Variants in PHEX observed in about 807,000 individuals in gnomAD.
PHEX encodes the protein phosphate regulating endopeptidase X-linked, also known as phosphate-regulating neutral endopeptidase PHEX.
Under a neutral mutation model 68.0 loss-of-function variants are expected in PHEX, and 16 were observed. The ratio of observed to expected loss-of-function variants is 0.24; its 90% CI spans 0.16 to 0.36. The LOEUF is 0.36. PHEX is among the 10% of genes least tolerant of loss of function. The probability of loss-of-function intolerance (pLI) is 1.00; values close to 1 mark genes in which losing one functional copy is unlikely to be tolerated. For missense variants in PHEX, 480 were observed against 575.5 expected, an observed-to-expected ratio of 0.83 and a Z score of 1.70; for synonymous variants, 208 against 205.1, an observed-to-expected ratio of 1.01 and a Z score of -0.12.
chrX:22,095,575 G>A (rs1242159385), intron 7 of PHEX, among the ~76,000 whole-genome samples: 2 of 112,169 alleles, frequency 1.8e-5, no homozygotes, highest in African/African-American at 6.5e-5. Flanking sequence ...AGGGATTGGT[G>A]GAAGAGGAGT....
chrX:22,140,541 G>A (rs768967258), intron 12 of PHEX, among the ~76,000 whole-genome samples: 2 of 111,254 alleles, frequency 1.8e-5, no homozygotes, highest in South Asian at 7.7e-4. Context: ...GAGTGCAGTG[G>A]TGCAATCTTG....
In PHEX at chrX:22,059,933, G is replaced by C. The variant is rs1040657501; in HGVS notation, c.349+12722G>C. 3.2e-4 allele frequency among the ~76,000 whole-genome samples: 36 copies of C among 111,504 alleles called. 1 individual carries two copies. The highest frequency in any genetic ancestry group is 8.4e-3 in the Middle Eastern group (2 of 237). ...AGTCTTTATGATTGTCTATGCCTTGGAACCTGTATATTTTCAGGTGAAATT... is the reference window on the plus strand; with the variant it reads ...AGTCTTTATGATTGTCTATGCCTTGCAACCTGTATATTTTCAGGTGAAATT... On this transcript the variant is annotated intron_variant, in intron 3 of 21. Transcript: ENST00000379374.
chrX:22,166,850 G>T (rs764389733), intron 12 of PHEX, among the ~76,000 whole-genome samples: 1 of 111,229 alleles, frequency 9.0e-6, no homozygotes, highest in Non-Finnish European at 1.9e-5. Flanking sequence ...TTTAAATTTC[G>T]CATGAATGAG....
chrX:22,237,725 CTCCAG>C (rs1380007200), intron 20 of PHEX, among the ~76,000 whole-genome samples: 1 of 112,332 alleles, frequency 8.9e-6, no homozygotes. Flanking sequence ...GCATCATATA[CTCCAG>C]CCTAGCTGAA....
In PHEX at chrX:22,166,482, T is replaced by C. The variant is rs149289116; in HGVS notation, c.1405-1830T>C. Among the ~76,000 whole-genome samples the C allele has an allele frequency of 1.2e-3, 136 of 111,032 alleles. 2 individuals are homozygous for C. The East Asian group carries it at 0.034, about 28-fold the overall frequency. On this transcript the variant is annotated intron_variant, in intron 12 of 21. Coordinates refer to ENST00000379374, the MANE Select transcript of PHEX (RefSeq NM_000444.6). The stretch of plus-strand genomic sequence containing the variant: ...TGTGTGTTTGCTATCTCCTTGTAGT[T>C]TTTTTCATTTTTATGTATTTAAACT...
chrX:22,202,588 T>G (rs975586022), intron 15 of PHEX, among the ~76,000 whole-genome samples: 1 of 112,181 alleles, frequency 8.9e-6, no homozygotes, highest in Non-Finnish European at 1.9e-5. Context: ...TTTGTCTAAC[T>G]GATATAGGGA....
chrX:22,150,904 C>A (rs1406420326), intron 12 of PHEX, among the ~76,000 whole-genome samples: 2 of 112,418 alleles, frequency 1.8e-5, no homozygotes, highest in Non-Finnish European at 3.8e-5. Context: ...TCTCCCTAGA[C>A]TGCCTCTTCA....
chrX:22,078,474 A>G (rs1182491685), intron 5 of PHEX, among the ~76,000 whole-genome samples: 3 of 112,235 alleles, frequency 2.7e-5, no homozygotes, highest in Non-Finnish European at 3.8e-5. Flanking sequence ...TTATTGCATG[A>G]CTGATTTTCT....
At chrX:22,229,482 C>CTAATGACCAGTGAT (rs1278920793) in intron 20 of PHEX, among the ~76,000 whole-genome samples, 5 of 112,397 alleles carry the variant, frequency 4.4e-5, no homozygotes, top group African/African-American at 9.7e-5. Flanking sequence ...TTGCATTTCT[C>CTAATGACCAGTGAT]TAATGACCAG....
intron 15 of PHEX, among the ~76,000 whole-genome samples, chrX:22,199,811 A>G: frequency 8.9e-6 from 1 of 112,428 alleles, no homozygotes; most frequent in East Asian, 2.8e-4. Context: ...GAGGTTGCTA[A>G]GATCTACAGT....
rs148485392 is a variant in PHEX at position 22,181,545 on chromosome X, A to G, written c.1586+3169A>G. 7.8e-3 allele frequency among the ~76,000 whole-genome samples: 874 copies of G among 111,678 alleles called. 7 individuals are homozygous for G. Among genetic ancestry groups the G allele is most frequent in the African/African-American group, 0.027 (844 of 30,717 alleles). On this transcript the variant is annotated intron_variant, in intron 14 of 21. Coordinates refer to ENST00000379374, the MANE Select transcript of PHEX (RefSeq NM_000444.6). ...TCCAGTTTTGTTGTTTTTGCTCAGG[A>G]TAACATTGGCTATTCTGGATCTTTT...
At chrX:22,156,985 T>C (rs1276890730) in intron 12 of PHEX, among the ~76,000 whole-genome samples, 1 of 111,005 alleles carries the variant, frequency 9.0e-6, no homozygotes, top group African/African-American at 3.3e-5. Context: ...CAAGTTCAAG[T>C]GATCCTTCTG....
rs1164658740 is a variant in PHEX at position 22,167,491 on chromosome X, C to CTTTT, written c.1405-807_1405-804dup. Among the ~76,000 whole-genome samples the CTTTT allele has an allele frequency of 1.1e-4, 9 of 84,083 alleles. 1 individual carries two copies. In the East Asian group the frequency reaches 1.5e-3, roughly 14 times the overall value. 73.0% of individuals were successfully genotyped at this position (84,083 alleles called of 115,157 possible). A position where few individuals can be genotyped will look rare whatever the true frequency, so the allele number is the denominator to read the frequency against. On this transcript the variant is annotated intron_variant, in intron 12 of 21. Transcript: ENST00000379374. ...TTTTCCCTTTTTAATTTTTTAATTT[C>CTTTT]TTTTTTTTTTTTTTTTTGGAGACAG...
intron 3 of PHEX, among the ~76,000 whole-genome samples, chrX:22,072,829 A>G (rs1247723940): frequency 8.9e-6 from 1 of 112,138 alleles, no homozygotes; most frequent in Non-Finnish European, 1.9e-5. Flanking sequence ...CATTCTTCAC[A>G]TTATGATCTG....
intron 12 of PHEX, among the ~76,000 whole-genome samples, chrX:22,146,646 A>G (rs1932707961): frequency 9.1e-6 from 1 of 109,802 alleles, no homozygotes; most frequent in African/African-American, 3.3e-5. Context: ...GCGAAATCCC[A>G]TCTCTACTAA....
intron 5 of PHEX, among the ~76,000 whole-genome samples, chrX:22,080,310 A>C (rs1008027399): frequency 3.6e-5 from 4 of 111,885 alleles, no homozygotes; most frequent in African/African-American, 1.3e-4. Context: ...GCTTGTTCCA[A>C]ACTGGTGTTT....
Position 22,251,143 on chromosome X carries a change from A to G in PHEX, c.*3190A>G, listed in dbSNP as rs1256352347. The G allele has an allele frequency of 3.6e-5, 4 of 112,595 alleles. No homozygotes were observed. The East Asian group carries it at 1.1e-3, about 31-fold the overall frequency. 9.3% of individuals were successfully genotyped at this position (112,595 alleles called of 1,213,427 possible). The stretch of plus-strand genomic sequence containing the variant: ...AGAATATACGATTGCTTCATATAAC[A>G]ACATTCTCATCACCAGTGACAGTGT... On this transcript the variant is annotated 3_prime_UTR_variant, in exon 22 of 22. Transcript: ENST00000379374.
At chrX:22,247,606 T>A (rs111988374) in intron 21 of PHEX, among the ~76,000 whole-genome samples, 52 of 112,536 alleles carry the variant, frequency 4.6e-4, no homozygotes, top group African/African-American at 1.6e-3. Context: ...GATACAGTTT[T>A]AAAAGAATTT....
chrX:22,068,816 TGTAAC>T (rs1460137345), intron 3 of PHEX, among the ~76,000 whole-genome samples: 1 of 111,721 alleles, frequency 9.0e-6, no homozygotes, highest in African/African-American at 3.3e-5. Context: ...GCTTTTTCCT[TGTAAC>T]GTTAAGATGG....
Sources: allele counts gnomAD v4.1 joint callset (sites outside exome capture counted in the v4.1 genomes callset), GRCh38; gene constraint gnomAD v4.1.1; transcripts MANE v1.5; gene names NCBI Gene and HGNC (gene_info 2026-07-23, HGNC 2026-07-21).